RASGRP3: variants seen among roughly 807,000 people sequenced by gnomAD.
RASGRP3 encodes the protein ras guanyl-releasing protein 3.
RASGRP3 carries 54 observed loss-of-function variants against 82.7 expected under a neutral mutation model. That is an observed-to-expected ratio of 0.65 (90% confidence interval 0.52 to 0.82). RASGRP3 has a LOEUF of 0.82. Among genes scored for constraint, RASGRP3 ranks in the 40% least tolerant of loss-of-function variants. The pLI is 0.00. For missense variants in RASGRP3, 861 were observed against 828.9 expected (o/e 1.04, Z -0.48); for synonymous variants, 309 against 300.5 (o/e 1.03, Z -0.29).
intron 16 of RASGRP3, 67 bp from the exon 17 acceptor site, chr2:33,558,605 A>C: frequency 7.2e-7 from 1 of 1,390,480 alleles, no homozygotes; most frequent in South Asian, 1.4e-5. Context: ...TGCTGTTTGC[A>C]CTAACCTTGA....
intron 13 of RASGRP3, among the ~76,000 whole-genome samples, chr2:33,544,417 C>A (rs1281590513): frequency 1.3e-5 from 2 of 151,450 alleles, no homozygotes; most frequent in Non-Finnish European, 2.9e-5. Flanking sequence ...CAAAGGTTGT[C>A]TTGATAAAGA....
intron 14 of RASGRP3, among the ~76,000 whole-genome samples, chr2:33,552,792 C>A (rs964728066): frequency 6.6e-6 from 1 of 152,088 alleles, no homozygotes; most frequent in Non-Finnish European, 1.5e-5. Flanking sequence ...AGTTAAGTGA[C>A]TTCCCCCAAG....
chr2:33,483,351 GTAT>G (rs1240832714), intron 1 of RASGRP3, among the ~76,000 whole-genome samples: 2 of 152,164 alleles, frequency 1.3e-5, no homozygotes, highest in Non-Finnish European at 2.9e-5. Flanking sequence ...ATTTGCTAAA[GTAT>G]TATAAGTGTT....
At chr2:33,481,919 G>T (rs964851304) in intron 1 of RASGRP3, 1 of 151,986 alleles carries the variant, frequency 6.6e-6, no homozygotes, top group Non-Finnish European at 1.5e-5. Context: ...GGCCAGGCTG[G>T]TCTCGAACTC....
At chr2:33,478,628 A>T (rs575099888) in intron 1 of RASGRP3, among the ~76,000 whole-genome samples, 2 of 152,204 alleles carry the variant, frequency 1.3e-5, no homozygotes, top group African/African-American at 4.8e-5. Context: ...CAAAATAATA[A>T]AAAATAATGA....
chr2:33,483,273 G>A (rs567702318), intron 1 of RASGRP3, among the ~76,000 whole-genome samples: 30 of 152,004 alleles, frequency 2.0e-4, no homozygotes, highest in African/African-American at 6.8e-4. Context: ...TATCTTTGTT[G>A]GTTCAGGTGG....
chr2:33,564,425 T>G lies in RASGRP3; in HGVS notation c.*1688T>G, dbSNP rs1044723225. On this transcript the variant is annotated 3_prime_UTR_variant, in exon 18 of 18. Transcript: ENST00000403687. ...AAGGCAGCCATCCCTAGATGTTGGT[T>G]TCATGTATATTACACTATCTACTAC... The G allele has an allele frequency of 6.6e-6, 1 of 152,216 alleles. No individual in the cohort carries two copies. Among genetic ancestry groups the G allele is most frequent in the African/African-American group, 2.4e-5 (1 of 41,450 alleles). 9.4% of individuals were successfully genotyped at this position (152,216 alleles called of 1,614,324 possible). A position where few individuals can be genotyped will look rare whatever the true frequency, so the allele number is the denominator to read the frequency against.
At position 33,558,060 on chromosome 2, in the gene RASGRP3, C is replaced by T. The variant is rs989592473; in HGVS notation, c.1580-151C>T. 6 of 1,051,550 alleles carry T rather than the reference C, an allele frequency of 5.7e-6. No homozygotes were observed. In the Admixed American group the frequency reaches 1.3e-4, roughly 23 times the overall value. The allele number at this position is 1,051,550 out of a possible 1,614,324, so 65.1% of individuals were successfully genotyped here. ...CAGACCAATGGCCTCTTTCCAGATC[C>T]TAGACACACCCCATGGGCCTGAGCT... On this transcript the variant is annotated intron_variant, in intron 15 of 17. Coordinates refer to ENST00000403687, the MANE Select transcript of RASGRP3 (RefSeq NM_001139488.2).
At chr2:33,551,456 A>G (rs1354441244) in intron 14 of RASGRP3, among the ~76,000 whole-genome samples, 2 of 152,218 alleles carry the variant, frequency 1.3e-5, no homozygotes, top group Non-Finnish European at 2.9e-5. Flanking sequence ...ACAAAAGGTC[A>G]GGCTGCTGGG....
chr2:33,509,960 A>G (rs1670778803), intron 1 of RASGRP3, among the ~76,000 whole-genome samples: 1 of 152,230 alleles, frequency 6.6e-6, no homozygotes, highest in Admixed American at 6.5e-5. Context: ...TTAAAAAAAA[A>G]TCTCATGTCT....
At chr2:33,550,626 C>A (rs1194110925) in intron 14 of RASGRP3, among the ~76,000 whole-genome samples, 2 of 152,148 alleles carry the variant, frequency 1.3e-5, no homozygotes, top group Non-Finnish European at 1.5e-5. Flanking sequence ...AGGCCCAGCA[C>A]CCAGAGGAGT....
At chr2:33,498,799 A>G (rs569228130) in intron 1 of RASGRP3, among the ~76,000 whole-genome samples, 1 of 152,074 alleles carries the variant, frequency 6.6e-6, no homozygotes, top group East Asian at 1.9e-4. Flanking sequence ...AATGCCCCTG[A>G]TCATAACTTC....
At chr2:33,510,062 C>T (rs1204681794) in intron 1 of RASGRP3, among the ~76,000 whole-genome samples, 2 of 152,296 alleles carry the variant, frequency 1.3e-5, no homozygotes, top group Admixed American at 6.5e-5. Context: ...AGGTTTGTAA[C>T]AATTAACACT....
chr2:33,560,219 G>A (rs1332122497), intron 17 of RASGRP3, among the ~76,000 whole-genome samples: 1 of 152,042 alleles, frequency 6.6e-6, no homozygotes, highest in East Asian at 1.9e-4. Context: ...ACACCCACGA[G>A]CAGTCATTCT....
chr2:33,442,056 A>G (rs1180184705), intron 1 of RASGRP3, among the ~76,000 whole-genome samples: 7 of 152,214 alleles, frequency 4.6e-5, no homozygotes, highest in African/African-American at 1.7e-4. Context: ...AGAAGTCTAC[A>G]AAATTATGTA....
At chr2:33,450,234 A>T (rs1344772622) in intron 2 of RASGRP3, among the ~76,000 whole-genome samples, 1 of 152,202 alleles carries the variant, frequency 6.6e-6, no homozygotes, top group Non-Finnish European at 1.5e-5. Context: ...ACCAATCATT[A>T]TTTTTGTGGT....
At chr2:33,508,958 C>T (rs1336712320) in intron 1 of RASGRP3, among the ~76,000 whole-genome samples, 2 of 152,194 alleles carry the variant, frequency 1.3e-5, no homozygotes, top group African/African-American at 4.8e-5. Context: ...GGTCTAGTTA[C>T]ACTTTCCATA....
intron 7 of RASGRP3, 85 bp downstream of exon 7, chr2:33,522,187 T>C: frequency 6.9e-7 from 1 of 1,447,618 alleles, no homozygotes; most frequent in African/African-American, 1.4e-5. Flanking sequence ...CTCTGAAGTG[T>C]TGGCAGCTTC....
chr2:33,525,977 C>A (rs1348160041), intron 9 of RASGRP3, among the ~76,000 whole-genome samples: 1 of 152,180 alleles, frequency 6.6e-6, no homozygotes, highest in Non-Finnish European at 1.5e-5. Flanking sequence ...CAAACTGTTT[C>A]TCTCCTAATT....
Sources: allele counts gnomAD v4.1 joint callset (sites outside exome capture counted in the v4.1 genomes callset), GRCh38; gene constraint gnomAD v4.1.1; transcripts MANE v1.5; gene names NCBI Gene and HGNC (gene_info 2026-07-23, HGNC 2026-07-21).